Variants in NRXN1 observed in about 807,000 individuals in gnomAD.
The protein encoded by NRXN1 is neurexin 1, also known as neurexin-1.
A neutral mutation model predicts 150.9 loss-of-function variants in NRXN1; 39 were observed. That is an observed-to-expected ratio of 0.26 (90% CI 0.20 to 0.34). NRXN1 has a LOEUF of 0.34. Ranked by LOEUF, NRXN1 falls within the 10% of genes least tolerant of loss-of-function variation. NRXN1 has a pLI of 1.00. For missense variants in NRXN1, 1,815 were observed against 1,949.9 expected, an observed-to-expected ratio of 0.93 and a Z score of 1.30; for synonymous variants, 924 against 757.0, an observed-to-expected ratio of 1.22 and a Z score of -3.62.
chr2:50,363,411 C>T (rs1429168374), intron 17 of NRXN1, among the ~76,000 whole-genome samples: 1 of 152,026 alleles, frequency 6.6e-6, no homozygotes. Context: ...AACAAACAAC[C>T]CCATCAAAAG....
intron 17 of NRXN1, among the ~76,000 whole-genome samples, chr2:50,461,390 A>G (rs1393915632): frequency 6.6e-6 from 1 of 152,012 alleles, no homozygotes; most frequent in Non-Finnish European, 1.5e-5. Flanking sequence ...AATTTGGCAT[A>G]CAACATTTCT....
chr2:50,760,897 T>A (rs1373528693), intron 5 of NRXN1, among the ~76,000 whole-genome samples: 1 of 152,012 alleles, frequency 6.6e-6, no homozygotes, highest in African/African-American at 2.4e-5. Context: ...ACATTGTTTG[T>A]GCCTCAGCTC....
chr2:50,108,687 C>T (rs928729485), intron 18 of NRXN1, among the ~76,000 whole-genome samples: 8 of 151,988 alleles, frequency 5.3e-5, no homozygotes, highest in African/African-American at 1.4e-4. Context: ...TAGAACAATC[C>T]GTTGCATGAT....
intron 19 of NRXN1, among the ~76,000 whole-genome samples, chr2:50,083,690 C>T (rs181517426): frequency 7.9e-5 from 12 of 152,248 alleles, no homozygotes; most frequent in Middle Eastern, 3.4e-3. Context: ...TTACAGAGAG[C>T]CGATTGGTCT....
At chr2:50,826,838 G>T (rs1371241226) in intron 5 of NRXN1, among the ~76,000 whole-genome samples, 1 of 152,154 alleles carries the variant, frequency 6.6e-6, no homozygotes, top group Non-Finnish European at 1.5e-5. Flanking sequence ...GGAGCTCATT[G>T]CAGAGATCAG....
In NRXN1 at chr2:50,029,558, G is replaced by A. The variant is rs572265327; in HGVS notation, c.4128+23713C>T. ...CACACACATGCTCTCCATCCTACAC[G>A]CAGGAACTAAGGAAAGGCCATGTGG... On this transcript the variant is annotated intron_variant, in intron 21 of 22. Transcript: ENST00000401669. Among the ~76,000 whole-genome samples, 6 of 152,216 alleles carry A rather than the reference G, an allele frequency of 3.9e-5. No individual in the cohort carries two copies. In the South Asian group the frequency reaches 1.0e-3, roughly 26 times the overall value.
intron 2 of NRXN1, among the ~76,000 whole-genome samples, chr2:50,947,291 G>A (rs1233536690): frequency 6.6e-6 from 1 of 151,942 alleles, no homozygotes; most frequent in Non-Finnish European, 1.5e-5. Flanking sequence ...TTCAATAAAT[G>A]TTTGGTGAAT....
At chr2:50,865,970 A>G (rs1676883063) in intron 5 of NRXN1, among the ~76,000 whole-genome samples, 1 of 151,676 alleles carries the variant, frequency 6.6e-6, no homozygotes, top group Non-Finnish European at 1.5e-5. Context: ...CAACAAGGAC[A>G]AAAAAACGAA....
intron 21 of NRXN1, among the ~76,000 whole-genome samples, chr2:50,003,849 T>C (rs1159745269): frequency 2.0e-5 from 3 of 152,106 alleles, no homozygotes; most frequent in South Asian, 2.1e-4. Context: ...TAAGAGTACA[T>C]ACTTTCATGT....
In NRXN1 at chr2:50,837,050, C is replaced by A. The variant is rs550960580; in HGVS notation, c.832+84819G>T. On this transcript the variant is annotated intron_variant, in intron 5 of 22. Transcript: ENST00000401669. ...TGAAGATACTTTGCATATTTTTATC[C>A]TCTCAGTTAGACTTTGCTCTTTAAA... Among the ~76,000 whole-genome samples the A allele has an allele frequency of 2.0e-5, 3 of 152,094 alleles. No individual in the cohort carries two copies. In the South Asian group the frequency reaches 6.2e-4, roughly 31 times the overall value.
chr2:50,371,451 T>C (rs1467889506), intron 17 of NRXN1, among the ~76,000 whole-genome samples: 3 of 152,088 alleles, frequency 2.0e-5, no homozygotes, highest in Admixed American at 6.6e-5. Flanking sequence ...AAATCAAATA[T>C]TTTATTTTTA....
chr2:50,505,178 A>G (rs147399127), intron 13 of NRXN1, among the ~76,000 whole-genome samples: 19 of 152,310 alleles, frequency 1.2e-4, no homozygotes, highest in African/African-American at 3.4e-4. Flanking sequence ...CTAGATATTG[A>G]CAAATATAAA....
At chr2:50,802,383 T>C (rs1017333767) in intron 5 of NRXN1, among the ~76,000 whole-genome samples, 36 of 151,934 alleles carry the variant, frequency 2.4e-4, no homozygotes, top group Admixed American at 9.2e-4. Context: ...TCCCAGCTAC[T>C]TGGGAGGCTG....
At chr2:50,511,866 T>C (rs2092464549) in intron 12 of NRXN1, among the ~76,000 whole-genome samples, 1 of 152,124 alleles carries the variant, frequency 6.6e-6, no homozygotes, top group African/African-American at 2.4e-5. Context: ...TTTACTTCCA[T>C]TTTCACATCA....
intron 21 of NRXN1, among the ~76,000 whole-genome samples, chr2:49,945,420 C>T (rs1672719036): frequency 6.7e-6 from 1 of 148,564 alleles, no homozygotes; most frequent in South Asian, 2.1e-4. Context: ...ACTTTTAGTT[C>T]CAGGATACAT....
At chr2:50,856,786 T>C (rs1372003281) in intron 5 of NRXN1, among the ~76,000 whole-genome samples, 1 of 152,116 alleles carries the variant, frequency 6.6e-6, no homozygotes, top group Non-Finnish European at 1.5e-5. Context: ...CATTTCCTAG[T>C]ATTTCAGAAC....
At chr2:50,878,937 G>GT (rs1367825932) in intron 5 of NRXN1, among the ~76,000 whole-genome samples, 1 of 151,800 alleles carries the variant, frequency 6.6e-6, no homozygotes, top group Non-Finnish European at 1.5e-5. Context: ...GTAAAGATTT[G>GT]TTTTTTGTTT....
rs1471641590 is a variant in NRXN1 at position 50,623,442 on chromosome 2, T to C, written c.1006A>G (p.Lys336Glu). 1.2e-6 allele frequency: 2 copies of C among 1,613,502 alleles called. No individual in the cohort carries two copies. ...KSADYVNLAL[K>E]NGAVSLVINL... Reference sequence around the variant, plus strand: ...ATGACCAGAGAGACAGCTCCATTTTTCAGGGCAAGATTGACATAATCAGCC... The same window carrying C: ...ATGACCAGAGAGACAGCTCCATTTTCCAGGGCAAGATTGACATAATCAGCC... Residue 336 changes from lysine (K) to glutamate (E), a missense_variant, in exon 6 of 23, where the codon AAA becomes GAA. Lys to Glu is a moderately conservative substitution (Grantham distance 56, BLOSUM62 1). Around this residue, in one of 6 missense-constraint regions of NRXN1, gnomAD observed 554 missense variants for 478.8 expected, o/e 1.16. Transcript: ENST00000401669.
intron 17 of NRXN1, among the ~76,000 whole-genome samples, chr2:50,436,745 G>C (rs1213482474): frequency 6.6e-6 from 1 of 152,088 alleles, no homozygotes; most frequent in Non-Finnish European, 1.5e-5. Context: ...GGCTAGAAGG[G>C]ATTCTGTTTC....
Sources: allele counts gnomAD v4.1 joint callset (sites outside exome capture counted in the v4.1 genomes callset), GRCh38; gene constraint gnomAD v4.1.1; regional missense constraint gnomAD v4.1.1; transcripts MANE v1.5; gene names NCBI Gene and HGNC (gene_info 2026-07-23, HGNC 2026-07-21).